LSM14A: variants seen among roughly 807,000 people sequenced by gnomAD.
The protein encoded by LSM14A is protein LSM14 homolog A.
In LSM14A, 14 loss-of-function variants were observed where a neutral mutation model predicts 52.4. That is an observed-to-expected ratio of 0.27 (90% CI 0.18 to 0.42). The LOEUF (loss-of-function observed/expected upper bound fraction) is 0.42, where lower values mean the gene tolerates loss of function less well. Among genes scored for constraint, LSM14A ranks in the 10% least tolerant of loss-of-function variants. The probability of loss-of-function intolerance (pLI) is 1.00; values close to 1 mark genes in which losing one functional copy is unlikely to be tolerated. For missense variants in LSM14A, 417 were observed against 581.8 expected (o/e 0.72, Z 2.91); for synonymous variants, 185 against 200.3 (o/e 0.92, Z 0.64).
chr19:34,215,227 A>G lies in LSM14A; in HGVS notation c.642A>G (p.Arg214=), dbSNP rs2072486589. 1.2e-6 allele frequency: 2 copies of G among 1,614,168 alleles called. No individual in the cohort carries two copies. Among genetic ancestry groups the G allele is most frequent in the Non-Finnish European group, 1.7e-6 (2 of 1,180,026 alleles). ...TACCTGCTCCAGCAGCTGTTGGGAG[A>G]AGGAGTCCTGTATCAACCAGGCCTT... ...AHLPAPAAVG[R]RSPVSTRPLP... Residue 214 remains arginine, a synonymous_variant, in exon 5 of 10, where the codon AGA becomes AGG. Transcript: ENST00000544216.
chr19:34,211,500 A>G (rs1437570329), intron 4 of LSM14A, among the ~76,000 whole-genome samples: 2 of 152,114 alleles, frequency 1.3e-5, no homozygotes, highest in Non-Finnish European at 2.9e-5. Context: ...TGGAAAAAAC[A>G]TATCTTATTG....
At position 34,227,830 on chromosome 19, in the gene LSM14A, A is replaced by G. The variant is rs74404860; in HGVS notation, c.*442A>G. On this transcript the variant is annotated 3_prime_UTR_variant, in exon 10 of 10. Transcript: ENST00000544216. ...TGTGTGTGTGTGTGTGTGTGTGTGT[A>G]TGTGTGTGTCTTTTTCCTCCTTTCT... 7,231 of 94,308 alleles carry G rather than the reference A, an allele frequency of 0.077. 276 individuals are homozygous for G. Among genetic ancestry groups the G allele is most frequent in the African/African-American group, 0.18 (4,482 of 24,990 alleles). The allele number at this position is 94,308 out of a possible 1,614,324, so 5.8% of individuals were successfully genotyped here.
chr19:34,216,084 C>G (rs1337006388), intron 6 of LSM14A, among the ~76,000 whole-genome samples: 1 of 152,096 alleles, frequency 6.6e-6, no homozygotes, highest in Non-Finnish European at 1.5e-5. Context: ...TTTTTCTTTT[C>G]TATAATTACT....
At chr19:34,196,606 G>C in intron 2 of LSM14A, 28 bp from the exon 3 acceptor site, 1 of 1,560,638 alleles carries the variant, frequency 6.4e-7, no homozygotes, top group Non-Finnish European at 8.6e-7. Context: ...CTTAGAGCTT[G>C]GAAACATAAC....
intron 1 of LSM14A, among the ~76,000 whole-genome samples, chr19:34,186,944 CA>C (rs953595116): frequency 6.6e-6 from 1 of 151,260 alleles, no homozygotes; most frequent in East Asian, 1.9e-4. Context: ...TAGTTCATGT[CA>C]AAAAAAAGTT....
At chr19:34,186,379 G>T (rs570884940) in intron 1 of LSM14A, among the ~76,000 whole-genome samples, 2 of 152,264 alleles carry the variant, frequency 1.3e-5, no homozygotes, top group Admixed American at 1.3e-4. Flanking sequence ...ATTTAAGTTG[G>T]TAGATTGTGA....
At chr19:34,175,201 T>C (rs916176623) in intron 1 of LSM14A, among the ~76,000 whole-genome samples, 2 of 152,032 alleles carry the variant, frequency 1.3e-5, no homozygotes, top group Non-Finnish European at 2.9e-5. Flanking sequence ...TGATATTTCA[T>C]CCCACATCAT....
chr19:34,211,568 C>G (rs562771799), intron 4 of LSM14A, among the ~76,000 whole-genome samples: 1 of 152,106 alleles, frequency 6.6e-6, no homozygotes, highest in Non-Finnish European at 1.5e-5. Context: ...AGGATGATCA[C>G]TTGAGCCCAC....
In LSM14A at chr19:34,208,148, A is replaced by G. The variant is rs534752815; in HGVS notation, c.416-781A>G. On this transcript the variant is annotated intron_variant, in intron 3 of 9. Transcript: ENST00000544216. ...GACAGTGGAAGCCACCAGAAGGTCT[A>G]AAGCACGATAATGTTATTACATTTA... 4.6e-5 allele frequency: 7 copies of G among 152,338 alleles called. No homozygotes were observed. The South Asian group carries it at 1.5e-3, about 32-fold the overall frequency. 9.4% of individuals were successfully genotyped at this position (152,338 alleles called of 1,614,324 possible).
rs1306000214 is a variant in LSM14A at position 34,192,316 on chromosome 19, G to GTTTTTTTTTTTTTTTT, written c.122-2160_122-2159insTTTTTTTTTTTTTTTT. On this transcript the variant is annotated intron_variant, in intron 1 of 9. Coordinates refer to ENST00000544216, the MANE Select transcript of LSM14A (RefSeq NM_015578.4). The stretch of plus-strand genomic sequence containing the variant: ...TTTACACTGAAATAACATTCTTTTT[G>GTTTTTTTTTTTTTTTT]TTGTTTTTTTTTTTTTTTTTTTTTT... Among the ~76,000 whole-genome samples, 35 of 65,780 alleles carry GTTTTTTTTTTTTTTTT rather than the reference G, an allele frequency of 5.3e-4. 2 individuals are homozygous for GTTTTTTTTTTTTTTTT. Among genetic ancestry groups the GTTTTTTTTTTTTTTTT allele is most frequent in the Admixed American group, 8.8e-4 (4 of 4,532 alleles). 43.2% of individuals were successfully genotyped at this position (65,780 alleles called of 152,430 possible).
chr19:34,223,280 C>T (rs2073164144), intron 9 of LSM14A, among the ~76,000 whole-genome samples: 2 of 152,206 alleles, frequency 1.3e-5, no homozygotes, highest in East Asian at 1.9e-4. Flanking sequence ...CTGGGTCCCA[C>T]TCTCACTATG....
intron 1 of LSM14A, among the ~76,000 whole-genome samples, chr19:34,174,527 T>C (rs920874156): frequency 2.0e-5 from 3 of 152,254 alleles, no homozygotes; most frequent in African/African-American, 7.2e-5. Context: ...AAAACACCTG[T>C]AGACTTGGCG....
At chr19:34,201,782 A>G (rs897531619) in intron 3 of LSM14A, among the ~76,000 whole-genome samples, 1 of 152,108 alleles carries the variant, frequency 6.6e-6, no homozygotes, top group Non-Finnish European at 1.5e-5. Context: ...AAATTTTTAT[A>G]TATTTACGTT....
chr19:34,179,618 G>A (rs2069329284), intron 1 of LSM14A, among the ~76,000 whole-genome samples: 1 of 151,872 alleles, frequency 6.6e-6, no homozygotes, highest in African/African-American at 2.4e-5. Context: ...TTCTAGTAGG[G>A]GTAAGTAAGG....
intron 5 of LSM14A, 73 bp from the exon 6 acceptor site, chr19:34,215,523 G>A: frequency 7.6e-7 from 1 of 1,318,212 alleles, no homozygotes; most frequent in Non-Finnish European, 1.1e-6. Context: ...TTGTTTGTTT[G>A]CATTTCTAAC....
At chr19:34,206,074 A>G (rs962459290) in intron 3 of LSM14A, among the ~76,000 whole-genome samples, 1 of 152,206 alleles carries the variant, frequency 6.6e-6, no homozygotes, top group Admixed American at 6.5e-5. Context: ...GAGGAAATAA[A>G]ATCTCAATAT....
In LSM14A at chr19:34,215,300, G is replaced by A; in HGVS notation, c.715G>A (p.Ala239Thr). 2 of 1,608,074 alleles carry A rather than the reference G, an allele frequency of 1.2e-6. No homozygotes were observed. Among genetic ancestry groups the A allele is most frequent in the Non-Finnish European group, 1.7e-6 (2 of 1,177,782 alleles). ...AGGAGAGAATCAGGAGCACAGGCGAGGTAGAACTTTAGCTGTTTACTGTTC... is the reference window on the plus strand; with the variant it reads ...AGGAGAGAATCAGGAGCACAGGCGAAGTAGAACTTTAGCTGTTTACTGTTC... ...KAGENQEHRRAEVHKVSRPEN... is the reference protein window; with the variant it reads ...KAGENQEHRRTEVHKVSRPEN... The change falls in exon 5 of 10, where the codon GCT becomes ACT. Residue 239 changes from alanine (A) to threonine (T), a missense_variant and splice_region_variant. Physicochemically the swap from Ala to Thr is moderately conservative, Grantham distance 58 (BLOSUM62 0). Around this residue, in one of 2 missense-constraint regions of LSM14A, gnomAD observed 357 missense variants for 457.0 expected, o/e 0.78. Coordinates refer to ENST00000544216, the MANE Select transcript of LSM14A (RefSeq NM_015578.4).
chr19:34,212,462 T>C (rs1264325806), intron 4 of LSM14A, among the ~76,000 whole-genome samples: 2 of 152,212 alleles, frequency 1.3e-5, no homozygotes, highest in African/African-American at 2.4e-5. Flanking sequence ...CCAAAAAATA[T>C]ATAAATTTTA....
rs181062223 is a variant in LSM14A, at chr19:34,216,339, G to A, written c.781+678G>A. ...GAGGCAGGAGAATGGCGTGAACTGG[G>A]GAGGTGGAGCTTGCAGTGAGCCGAG... On this transcript the variant is annotated intron_variant, in intron 6 of 9. Transcript: ENST00000544216. Among the ~76,000 whole-genome samples the A allele has an allele frequency of 3.7e-4, 57 of 152,006 alleles. No individual in the cohort carries two copies. The East Asian group carries it at 0.011, about 29-fold the overall frequency.
Sources: gnomAD v4.1 joint callset for allele counts (sites outside exome capture counted in the v4.1 genomes callset) on GRCh38, gnomAD v4.1.1 for gene constraint, gnomAD v4.1.1 regional missense constraint, MANE v1.5 for transcripts, NCBI Gene and HGNC (gene_info 2026-07-23, HGNC 2026-07-21) for gene names.